ABCA13: variants seen among roughly 807,000 people sequenced by gnomAD.
The protein encoded by ABCA13 is ATP-binding cassette sub-family A member 13.
ABCA13 carries 476 observed loss-of-function variants against 478.7 expected under a neutral mutation model. The observed-to-expected ratio is 0.99, with a 90% confidence interval of 0.92 to 1.07. The LOEUF is 1.07. ABCA13 is among the 50% of genes least tolerant of loss of function. ABCA13 has a pLI of 0.00. For synonymous variants in ABCA13, 2,252 were observed against 2,158.9 expected (o/e 1.04, Z -1.20); for missense variants, 6,060 against 5,910.6 (o/e 1.03, Z -0.83).
At chr7:48,524,482 T>C (rs1259184974) in intron 54 of ABCA13, 42 bp downstream of exon 54, 1 of 1,530,700 alleles carries the variant, frequency 6.5e-7, no homozygotes, top group South Asian at 1.2e-5. Context: ...GTTGTGAACC[T>C]GTACAACTCT....
Position 48,412,351 on chromosome 7 carries a change from A to G in ABCA13, c.12229-2A>G. 1.9e-6 allele frequency: 3 copies of G among 1,607,670 alleles called. No homozygotes were observed. The highest frequency in any genetic ancestry group is 1.1e-5 in the South Asian group (1 of 89,890). On this transcript the variant is annotated splice_acceptor_variant, in intron 40 of 61. Coordinates refer to ENST00000435803, the MANE Select transcript of ABCA13 (RefSeq NM_152701.5). LOFTEE classifies it high-confidence loss of function. ...TTCTTTTTTCCTTTTTTTTATGGAT[A>G]GCCTTCTGTTCTGGAGGCCCATGAT...
chr7:48,532,783 A>T (rs1833325606), intron 55 of ABCA13, among the ~76,000 whole-genome samples: 1 of 151,826 alleles, frequency 6.6e-6, no homozygotes, highest in Non-Finnish European at 1.5e-5. Flanking sequence ...TTCCTAATTT[A>T]TGTGTGTGAA....
chr7:48,276,511 A>G lies in ABCA13; in HGVS notation c.6845A>G (p.Asn2282Ser), dbSNP rs765232615. 11 of 1,610,860 alleles carry G rather than the reference A, an allele frequency of 6.8e-6. No homozygotes were observed. Among genetic ancestry groups the G allele is most frequent in the Non-Finnish European group, 9.3e-6 (11 of 1,179,248 alleles). The part of the protein sequence containing the change: ...FSLFLKEDSE[N>S]KISLLLKYFH... ...CTTTTTCTAAAGGAAGATTCTGAGA[A>G]CAAAATATCTCTTCTGCTGAAATAT... is the stretch of plus-strand genomic sequence containing the variant. Residue 2282 changes from asparagine to serine, a missense_variant, in exon 17 of 62, where the codon AAC becomes AGC. This residue lies in a region of ABCA13 where 4,423 missense variants were observed against 4,309.1 expected (regional missense o/e 1.03). Transcript: ENST00000435803.
intron 42 of ABCA13, among the ~76,000 whole-genome samples, chr7:48,436,745 C>G (rs1822887845): frequency 6.6e-6 from 1 of 151,250 alleles, no homozygotes; most frequent in South Asian, 2.1e-4. Flanking sequence ...AAGATATTTT[C>G]TAACTTTTCT....
chr7:48,412,052 G>T (rs1585210567), intron 40 of ABCA13, among the ~76,000 whole-genome samples: 1 of 152,276 alleles, frequency 6.6e-6, no homozygotes, highest in Non-Finnish European at 1.5e-5. Context: ...TGGACGGGGG[G>T]CACTTCATGA....
intron 35 of ABCA13, among the ~76,000 whole-genome samples, chr7:48,384,899 ATC>A (rs943149819): frequency 6.6e-6 from 1 of 152,138 alleles, no homozygotes; most frequent in Non-Finnish European, 1.5e-5. Flanking sequence ...ATTCCTGTGT[ATC>A]TGTGTCCAAA....
intron 53 of ABCA13, among the ~76,000 whole-genome samples, chr7:48,520,926 G>A (rs73332075): frequency 3.3e-5 from 5 of 152,198 alleles, no homozygotes; most frequent in Admixed American, 2.6e-4. Flanking sequence ...GGAAAATTCA[G>A]TACAGATGTC....
At chr7:48,422,225 A>C (rs1374551356) in intron 41 of ABCA13, among the ~76,000 whole-genome samples, 1 of 133,570 alleles carries the variant, frequency 7.5e-6, no homozygotes. Context: ...TTCCTAAAGA[A>C]CAATACATTC....
chr7:48,420,892 T>G (rs1820654787), intron 41 of ABCA13, among the ~76,000 whole-genome samples: 1 of 152,156 alleles, frequency 6.6e-6, no homozygotes, highest in Admixed American at 6.5e-5. Context: ...GCCTCTTTAG[T>G]CACTGTCAAT....
rs143952874 is a variant in ABCA13 at position 48,446,494 on chromosome 7, T to C, written c.12566-8543T>C. Among the ~76,000 whole-genome samples, 13 of 152,294 alleles carry C rather than the reference T, an allele frequency of 8.5e-5. No individual in the cohort carries two copies. In the East Asian group the frequency reaches 2.5e-3, roughly 29 times the overall value. ...ACTACCACTTTACATACAGTTCTGT[T>C]CCTTTTTTCTCCCACAATTTAATTC... On this transcript the variant is annotated intron_variant, in intron 42 of 61. Coordinates refer to ENST00000435803, the MANE Select transcript of ABCA13 (RefSeq NM_152701.5).
chr7:48,283,935 T>C (rs1276906530), intron 19 of ABCA13, among the ~76,000 whole-genome samples: 1 of 152,130 alleles, frequency 6.6e-6, no homozygotes, highest in Non-Finnish European at 1.5e-5. Context: ...GAAGAAAACA[T>C]AGGGGAACAC....
chr7:48,287,336 C>A (rs1306972387), intron 19 of ABCA13, among the ~76,000 whole-genome samples: 1 of 152,068 alleles, frequency 6.6e-6, no homozygotes, highest in Non-Finnish European at 1.5e-5. Flanking sequence ...GAGCGTAAGG[C>A]AGATTGGAAG....
rs144948926 is a variant in ABCA13 at position 48,312,430 on chromosome 7, G to A, written c.9517-637G>A. On this transcript the variant is annotated intron_variant, in intron 24 of 61. Coordinates refer to ENST00000435803, the MANE Select transcript of ABCA13 (RefSeq NM_152701.5). ...ACAGAAGAAAAGCCTTGCCTCCAGT[G>A]TAGAACTGAGAATATGAAAAAAAAA... Among the ~76,000 whole-genome samples the A allele has an allele frequency of 4.1e-3, 618 of 149,062 alleles. 7 individuals are homozygous for A. The highest frequency in any genetic ancestry group is 0.015 in the African/African-American group (585 of 39,874).
chr7:48,573,254 A>G (rs1472047108), intron 55 of ABCA13, among the ~76,000 whole-genome samples: 1 of 151,922 alleles, frequency 6.6e-6, no homozygotes, highest in African/African-American at 2.4e-5. Context: ...TTGTTCATTT[A>G]TTAATTAAAC....
intron 29 of ABCA13, among the ~76,000 whole-genome samples, chr7:48,348,294 C>G (rs932843893): frequency 5.3e-5 from 8 of 151,996 alleles, no homozygotes; most frequent in Middle Eastern, 3.2e-3. Context: ...TCCGGGGACT[C>G]ATGACACTCT....
intron 59 of ABCA13, among the ~76,000 whole-genome samples, chr7:48,642,503 G>A (rs552959663): frequency 6.6e-6 from 1 of 152,284 alleles, no homozygotes; most frequent in African/African-American, 2.4e-5. Context: ...ATGCTTCAGT[G>A]AACAAAATGG....
At chr7:48,383,691 A>G (rs1027372101) in intron 35 of ABCA13, among the ~76,000 whole-genome samples, 22 of 152,212 alleles carry the variant, frequency 1.4e-4, no homozygotes, top group Non-Finnish European at 2.8e-4. Context: ...TGAAAAGTTT[A>G]TAGAGAAGCA....
At chr7:48,192,065 G>C (rs983890758) in intron 1 of ABCA13, among the ~76,000 whole-genome samples, 1 of 152,092 alleles carries the variant, frequency 6.6e-6, no homozygotes, top group Non-Finnish European at 1.5e-5. Context: ...GCAAAATGAT[G>C]TCACATGAAT....
At chr7:48,323,395 G>A (rs1263865746) in intron 27 of ABCA13, among the ~76,000 whole-genome samples, 1 of 152,182 alleles carries the variant, frequency 6.6e-6, no homozygotes, top group Non-Finnish European at 1.5e-5. Flanking sequence ...AAATATACAA[G>A]GGAGATAGAG....
Sources: allele counts gnomAD v4.1 joint callset (sites outside exome capture counted in the v4.1 genomes callset), GRCh38; gene constraint gnomAD v4.1.1; regional missense constraint gnomAD v4.1.1; transcripts MANE v1.5; gene names NCBI Gene and HGNC (gene_info 2026-07-23, HGNC 2026-07-21).